The following SBK1 variants were observed in gnomAD, a reference collection of about 807,000 sequenced individuals.
The protein encoded by SBK1 is serine/threonine-protein kinase SBK1.
Under a neutral mutation model 24.4 loss-of-function variants are expected in SBK1, and 11 were observed. That is an observed-to-expected ratio of 0.45 (90% CI 0.28 to 0.75). SBK1 has a LOEUF of 0.75. Ranked by LOEUF, SBK1 falls within the 30% of genes least tolerant of loss-of-function variation. The pLI is 0.12. For synonymous variants in SBK1, 308 were observed against 284.4 expected, an observed-to-expected ratio of 1.08 and a Z score of -0.83; for missense variants, 467 against 620.5, an observed-to-expected ratio of 0.75 and a Z score of 2.63.
In SBK1 at chr16:28,317,119, G is replaced by A. The variant is rs930642947; in HGVS notation, c.-7-266G>A. On this transcript the variant is annotated intron_variant, in intron 1 of 3. Transcript: ENST00000341901. This position sits in a 1 kb window ranked among gnomAD's most constrained non-coding sequence, Gnocchi z 4.2. ...ACAGGGGCCTTGCCTGACACTGTGT[G>A]TGGGTGGCAGCATGAGGCAGAGGGG... Among the ~76,000 whole-genome samples the A allele has an allele frequency of 6.6e-6, 1 of 152,244 alleles. No homozygotes were observed.
chr16:28,305,845 T>G lies in SBK1; in HGVS notation c.-7-11540T>G, dbSNP rs1226014859. On this transcript the variant is annotated intron_variant, in intron 1 of 3. Transcript: ENST00000341901. ...CATGAGCTACCGCACCCAGCCCTGA[T>G]CTTTCTTATATACGTAGTCAGATAA... is the stretch of plus-strand genomic sequence containing the variant. Among the ~76,000 whole-genome samples, 14 of 152,282 alleles carry G rather than the reference T, an allele frequency of 9.2e-5. No individual in the cohort carries two copies. The East Asian group carries it at 2.5e-3, about 27-fold the overall frequency.
intron 1 of SBK1, among the ~76,000 whole-genome samples, chr16:28,273,673 G>A (rs936145031): frequency 2.6e-5 from 4 of 152,032 alleles, no homozygotes; most frequent in Non-Finnish European, 5.9e-5. Flanking sequence ...AGCTCAAGCA[G>A]TCCACCCACC....
Position 28,259,435 on chromosome 16 carries a change from G to A in SBK1, c.190G>A (p.Ala64Thr), listed in dbSNP as rs2044383549. The A allele has an allele frequency of 5.1e-6, 5 of 985,932 alleles. No individual in the cohort carries two copies. The highest frequency in any genetic ancestry group is 4.7e-5 in the South Asian group (1 of 21,312). The allele number at this position is 985,932 out of a possible 1,614,324, so 61.1% of individuals were successfully genotyped here. A position where few individuals can be genotyped will look rare whatever the true frequency, so the allele number is the denominator to read the frequency against. The change falls in exon 1 of 4, where the codon GCC becomes ACC. Residue 64 changes from alanine (A) to threonine (T), a missense_variant. Physicochemically the swap from Ala to Thr is moderately conservative, Grantham distance 58 (BLOSUM62 0). Coordinates refer to the SBK1 transcript ENST00000671413. This position sits in a 1 kb window ranked among gnomAD's most constrained non-coding sequence, Gnocchi z 6.0. ...GGGCTGCGGAGTCGATGATGTGCCG[G>A]CCTTCTGCTTCGTCTGCTTCCACAG... is the stretch of plus-strand genomic sequence containing the variant.
chr16:28,299,590 A>G (rs13335237), intron 1 of SBK1, among the ~76,000 whole-genome samples: 106,000 of 151,974 alleles, frequency 0.7, 37,987 homozygotes, highest in South Asian at 0.82. Flanking sequence ...AATCTGCAGC[A>G]CTTGCCCCAG....
intron 1 of SBK1, among the ~76,000 whole-genome samples, chr16:28,295,416 T>C (rs2044631566): frequency 1.3e-5 from 2 of 152,002 alleles, no homozygotes; most frequent in Non-Finnish European, 2.9e-5. Flanking sequence ...TCCACCTCCC[T>C]TTTTGAGCTG....
At chr16:28,286,006 C>T (rs991299913) in intron 1 of SBK1, 3 of 152,278 alleles carry the variant, frequency 2.0e-5, no homozygotes, top group African/African-American at 4.8e-5. Flanking sequence ...AGTTGTATTT[C>T]GGCAGTGGAG....
At chr16:28,312,080 TCAG>T (rs1272907889) in intron 1 of SBK1, among the ~76,000 whole-genome samples, 1 of 152,180 alleles carries the variant, frequency 6.6e-6, no homozygotes, top group East Asian at 1.9e-4. Flanking sequence ...ACCGCCCACC[TCAG>T]CAGCCCTTGG....
Position 28,303,507 on chromosome 16 carries a change from C to CTT in SBK1, c.-8+10231_-8+10232dup, listed in dbSNP as rs143613970. ...TTTTCTTTTTCTTTTCTTTTCTTTT[C>CTT]TTTTTTTTTTTTTTTTTTTTTTTTT... On this transcript the variant is annotated intron_variant, in intron 1 of 3. Coordinates refer to ENST00000341901, the MANE Select transcript of SBK1 (RefSeq NM_001024401.3). Among the ~76,000 whole-genome samples the CTT allele has an allele frequency of 4.8e-3, 278 of 58,132 alleles. 3 individuals carry two copies. The highest frequency in any genetic ancestry group is 9.8e-3 in the East Asian group (18 of 1,844). 38.1% of individuals were successfully genotyped at this position (58,132 alleles called of 152,430 possible). A position where few individuals can be genotyped will look rare whatever the true frequency, so the allele number is the denominator to read the frequency against.
chr16:28,305,149 ACT>A (rs748035131), intron 1 of SBK1, among the ~76,000 whole-genome samples: 99 of 151,140 alleles, frequency 6.6e-4, no homozygotes, highest in Middle Eastern at 3.4e-3. Flanking sequence ...GACCAAGCCC[ACT>A]CTCTGCACCT....
At chr16:28,304,323 G>A (rs996585057) in intron 1 of SBK1, among the ~76,000 whole-genome samples, 2 of 152,160 alleles carry the variant, frequency 1.3e-5, no homozygotes, top group African/African-American at 4.8e-5. Context: ...GACAGGCCTT[G>A]GTGCTGTCCA....
rs1432763791 is a variant in SBK1, at chr16:28,319,630, CCT to C, written c.429+435_429+436del. On this transcript the variant is annotated intron_variant, in intron 3 of 3. Coordinates refer to ENST00000341901, the MANE Select transcript of SBK1 (RefSeq NM_001024401.3). The surrounding 1 kb of genome is among the most constrained non-coding windows in gnomAD (Gnocchi z 4.0). Reference sequence around the variant, plus strand: ...GAGTGATGAGACCTTCGGAGCAGGTCCTCCTTCTTTGCTGAGCACCTACTACA... The same window carrying C: ...GAGTGATGAGACCTTCGGAGCAGGTCCCTTCTTTGCTGAGCACCTACTACA... Among the ~76,000 whole-genome samples, 2 of 147,456 alleles carry C rather than the reference CCT, an allele frequency of 1.4e-5. No homozygotes were observed. Among genetic ancestry groups the C allele is most frequent in the African/African-American group, 4.8e-5 (2 of 41,298 alleles).
At chr16:28,296,474 G>A (rs1005272849) in intron 1 of SBK1, among the ~76,000 whole-genome samples, 3 of 152,094 alleles carry the variant, frequency 2.0e-5, no homozygotes, top group African/African-American at 7.2e-5. Flanking sequence ...CTGACCTCAG[G>A]TGATCCACCT....
intron 1 of SBK1, among the ~76,000 whole-genome samples, chr16:28,293,815 G>A (rs944454699): frequency 2.0e-5 from 3 of 152,086 alleles, no homozygotes; most frequent in African/African-American, 7.2e-5. Context: ...GTGTTTGAGC[G>A]GATGAATGGG....
chr16:28,279,758 G>A (rs77412064), intron 1 of SBK1, among the ~76,000 whole-genome samples: 8,327 of 152,066 alleles, frequency 0.055, 528 homozygotes, highest in Admixed American at 0.19. Context: ...GTCCAGGGTC[G>A]GCACTGAGGG....
At chr16:28,285,965 A>G (rs1202325567) in intron 1 of SBK1, 2 of 152,316 alleles carry the variant, frequency 1.3e-5, no homozygotes, top group Non-Finnish European at 2.9e-5. Context: ...GTTTCCCCTC[A>G]TCAGTGGCTT....
rs116264383 is a variant in SBK1 at position 28,262,353 on chromosome 16, T to C, written c.257+2851T>C. Among the ~76,000 whole-genome samples the C allele has an allele frequency of 2.0e-3, 298 of 152,358 alleles. 2 individuals carry two copies. The highest frequency in any genetic ancestry group is 6.9e-3 in the African/African-American group (288 of 41,588). On this transcript the variant is annotated intron_variant, in intron 1 of 3. Transcript: ENST00000671413. ...CAGGCTAATTCTGGTGCATCCTGCT[T>C]CTGTGTGATCCTGGGGAAGTCACTT...
intron 1 of SBK1, among the ~76,000 whole-genome samples, chr16:28,306,956 C>A (rs1193892341): frequency 6.6e-6 from 1 of 152,254 alleles, no homozygotes; most frequent in Non-Finnish European, 1.5e-5. Flanking sequence ...AGTGATTTGC[C>A]GAAAGTTACG....
intron 1 of SBK1, among the ~76,000 whole-genome samples, chr16:28,262,472 C>T (rs572899160): frequency 6.6e-6 from 1 of 152,188 alleles, no homozygotes; most frequent in East Asian, 1.9e-4. Context: ...CCAGTTCACT[C>T]CTTTGTGGAT....
chr16:28,263,528 G>A (rs2044410057), intron 1 of SBK1, among the ~76,000 whole-genome samples: 3 of 152,206 alleles, frequency 2.0e-5, no homozygotes, highest in African/African-American at 7.2e-5. Context: ...GCTCAGTGTA[G>A]CCGAGGCAGA....
Sources: allele counts gnomAD v4.1 joint callset (sites outside exome capture counted in the v4.1 genomes callset), GRCh38; gene constraint gnomAD v4.1.1; non-coding constraint Gnocchi (gnomAD v3.1); transcripts MANE v1.5; gene names NCBI Gene and HGNC (gene_info 2026-07-23, HGNC 2026-07-21).